The following SPOCK3 variants were observed in gnomAD, a reference collection of about 807,000 sequenced individuals.
SPOCK3 encodes SPARC (osteonectin), cwcv and kazal like domains proteoglycan 3.
In SPOCK3, 30 loss-of-function variants were observed where a neutral mutation model predicts 56.6. The ratio of observed to expected loss-of-function variants is 0.53; its 90% CI spans 0.40 to 0.72. The LOEUF (loss-of-function observed/expected upper bound fraction) is 0.72, where lower values mean the gene tolerates loss of function less well. Among genes scored for constraint, SPOCK3 ranks in the 30% least tolerant of loss-of-function variants. SPOCK3 has a pLI of 0.00. For synonymous variants in SPOCK3, 196 were observed against 183.3 expected, an observed-to-expected ratio of 1.07 and a Z score of -0.56; for missense variants, 527 against 530.0, an observed-to-expected ratio of 0.99 and a Z score of 0.06.
chr4:167,021,969 A>G (rs973956260), intron 3 of SPOCK3, among the ~76,000 whole-genome samples: 1 of 152,084 alleles, frequency 6.6e-6, no homozygotes, highest in African/African-American at 2.4e-5. Flanking sequence ...TACTACCTCT[A>G]TAACTTAGTA....
chr4:166,814,912 TG>T (rs1423404480), intron 6 of SPOCK3, among the ~76,000 whole-genome samples: 1 of 152,092 alleles, frequency 6.6e-6, no homozygotes, highest in Non-Finnish European at 1.5e-5. Flanking sequence ...AAAGACTGCA[TG>T]GTAAATTCCC....
intron 2 of SPOCK3, among the ~76,000 whole-genome samples, chr4:167,225,086 A>T (rs1409344488): frequency 6.6e-6 from 1 of 152,230 alleles, no homozygotes; most frequent in African/African-American, 2.4e-5. Flanking sequence ...GAGTGATAAT[A>T]TGGCTTAAAA....
chr4:167,072,185 A>G lies in SPOCK3; in HGVS notation c.190-9648T>C, dbSNP rs547997558. ...TCTGCTAAAGTTTACACAACTATTT[A>G]GAAGTACTCTTGAAATTAGAACCCC... On this transcript the variant is annotated intron_variant, in intron 2 of 10. Coordinates refer to ENST00000357545, the MANE Select transcript of SPOCK3 (RefSeq NM_001040159.2). Among the ~76,000 whole-genome samples the G allele has an allele frequency of 8.5e-5, 13 of 152,188 alleles. No individual in the cohort carries two copies. The East Asian group carries it at 1.4e-3, about 16-fold the overall frequency.
intron 2 of SPOCK3, among the ~76,000 whole-genome samples, chr4:167,065,051 A>AAAAAAAAAAAAAAAAC (rs1344694624): frequency 1.3e-5 from 2 of 150,354 alleles, no homozygotes; most frequent in African/African-American, 4.9e-5. Flanking sequence ...AAAAAAAAAA[A>AAAAAAAAAAAAAAAAC]AAAAAAAAAG....
chr4:167,149,650 A>G (rs555038972), intron 2 of SPOCK3, among the ~76,000 whole-genome samples: 1 of 152,204 alleles, frequency 6.6e-6, no homozygotes, highest in South Asian at 2.1e-4. Flanking sequence ...ACATGAACAC[A>G]TGGCTATTAC....
chr4:166,771,323 C>A (rs1037630), intron 7 of SPOCK3, among the ~76,000 whole-genome samples: 69,444 of 151,658 alleles, frequency 0.46, 16,421 homozygotes, highest in African/African-American at 0.51. Flanking sequence ...TTGTAACACA[C>A]TTTTGTTTAT....
At chr4:167,225,407 A>G (rs1446143958) in intron 2 of SPOCK3, among the ~76,000 whole-genome samples, 2 of 152,134 alleles carry the variant, frequency 1.3e-5, no homozygotes, top group Admixed American at 6.5e-5. Flanking sequence ...GTGGAAGAAT[A>G]TTAGGGAAAG....
intron 4 of SPOCK3, among the ~76,000 whole-genome samples, chr4:166,987,329 C>A (rs1049750125): frequency 1.3e-5 from 2 of 152,156 alleles, no homozygotes; most frequent in African/African-American, 4.8e-5. Flanking sequence ...TCAAGTAATT[C>A]TTCAAACATT....
At chr4:167,072,567 T>C (rs2150269851) in intron 2 of SPOCK3, among the ~76,000 whole-genome samples, 1 of 152,102 alleles carries the variant, frequency 6.6e-6, no homozygotes, top group Non-Finnish European at 1.5e-5. Context: ...TTTGTTGAGA[T>C]GGAGAAGACA....
chr4:167,194,595 T>C (rs887130449), intron 2 of SPOCK3, among the ~76,000 whole-genome samples: 2 of 152,170 alleles, frequency 1.3e-5, no homozygotes, highest in Non-Finnish European at 2.9e-5. Context: ...GTAAAGACCT[T>C]TTCCTGTTTT....
chr4:166,746,164 C>T (rs1735582958), intron 8 of SPOCK3, among the ~76,000 whole-genome samples: 1 of 152,296 alleles, frequency 6.6e-6, no homozygotes, highest in Admixed American at 6.5e-5. Context: ...AACTCTTCAC[C>T]CCAAATCAAC....
At chr4:166,764,121 C>T (rs1003642452) in intron 7 of SPOCK3, among the ~76,000 whole-genome samples, 1 of 151,962 alleles carries the variant, frequency 6.6e-6, no homozygotes, top group Non-Finnish European at 1.5e-5. Flanking sequence ...GGTCACTTTC[C>T]TCATCTTCAA....
intron 3 of SPOCK3, among the ~76,000 whole-genome samples, chr4:167,020,380 A>AT (rs542073980): frequency 4.8e-4 from 73 of 152,222 alleles, no homozygotes; most frequent in African/African-American, 1.6e-3. Context: ...TCTATTGCTT[A>AT]TAGATTGAAT....
At chr4:167,104,234 T>G (rs2150330897) in intron 2 of SPOCK3, among the ~76,000 whole-genome samples, 1 of 152,128 alleles carries the variant, frequency 6.6e-6, no homozygotes, top group East Asian at 1.9e-4. Context: ...CAAAACGAAC[T>G]AAATAAGGCA....
intron 2 of SPOCK3, among the ~76,000 whole-genome samples, chr4:167,193,779 C>A (rs551685262): frequency 6.9e-6 from 1 of 145,910 alleles, no homozygotes; most frequent in African/African-American, 2.6e-5. Context: ...AAACCACTTC[C>A]CTCATGCTGC....
At chr4:166,923,006 T>A (rs1738671237) in intron 4 of SPOCK3, among the ~76,000 whole-genome samples, 1 of 152,194 alleles carries the variant, frequency 6.6e-6, no homozygotes, top group African/African-American at 2.4e-5. Flanking sequence ...CGAAATTTAA[T>A]CTCTCACCGT....
chr4:167,115,816 T>C (rs1355211999), intron 2 of SPOCK3, among the ~76,000 whole-genome samples: 1 of 152,032 alleles, frequency 6.6e-6, no homozygotes, highest in Admixed American at 6.6e-5. Flanking sequence ...TTAATGATTT[T>C]AAACATCTTT....
At chr4:167,129,829 G>A (rs1762565044) in intron 2 of SPOCK3, among the ~76,000 whole-genome samples, 1 of 151,996 alleles carries the variant, frequency 6.6e-6, no homozygotes, top group African/African-American at 2.4e-5. Flanking sequence ...CTGCATAAAA[G>A]GGTGAGATAT....
Position 166,904,550 on chromosome 4 carries a change from A to T in SPOCK3, c.474+8070T>A, listed in dbSNP as rs1009864302. Among the ~76,000 whole-genome samples, 9 of 152,218 alleles carry T rather than the reference A, an allele frequency of 5.9e-5. 1 individual carries two copies. The East Asian group carries it at 1.7e-3, about 29-fold the overall frequency. ...TCTAGTAACATAGTAAGGATGGCAC[A>T]TGCTATAGTTATCTTTACATATGAA... On this transcript the variant is annotated intron_variant, in intron 5 of 10. Coordinates refer to ENST00000357545, the MANE Select transcript of SPOCK3 (RefSeq NM_001040159.2).
Sources: allele counts gnomAD v4.1 joint callset (sites outside exome capture counted in the v4.1 genomes callset), GRCh38; gene constraint gnomAD v4.1.1; transcripts MANE v1.5; gene names NCBI Gene and HGNC (gene_info 2026-07-23, HGNC 2026-07-21).